Variants in ARK2C observed in about 807,000 individuals in gnomAD.
The protein encoded by ARK2C is arkadia (RNF111) C-terminal like ring finger ubiquitin ligase 2C, also known as E3 ubiquitin-protein ligase ARK2C.
the ARK2C span, among the ~76,000 whole-genome samples, chr18:46,415,720 G>A: frequency 3.3e-5 from 5 of 152,176 alleles, no homozygotes; most frequent in African/African-American, 9.6e-5. Flanking sequence ...TAACCCTTGA[G>A]CCTCAGTTTC....
the ARK2C span, among the ~76,000 whole-genome samples, chr18:46,416,207 A>G: frequency 6.6e-6 from 1 of 152,218 alleles, no homozygotes; most frequent in Non-Finnish European, 1.5e-5. Flanking sequence ...GATCTGCAGG[A>G]AAGCTCTAGG....
chr18:46,379,465 G>T, the ARK2C span, among the ~76,000 whole-genome samples: 1 of 152,296 alleles, frequency 6.6e-6, no homozygotes, highest in South Asian at 2.1e-4. Context: ...CCATTTTACA[G>T]ATGAGGGAAT....
chr18:46,422,239 G>T, the ARK2C span, among the ~76,000 whole-genome samples: 1 of 152,184 alleles, frequency 6.6e-6, no homozygotes, highest in South Asian at 2.1e-4. Flanking sequence ...CAGTTCTGCC[G>T]TTCAAGGTTC....
chr18:46,371,655 T>C, the ARK2C span, among the ~76,000 whole-genome samples: 1 of 152,232 alleles, frequency 6.6e-6, no homozygotes, highest in Admixed American at 6.5e-5. Context: ...TAAGCCTCTC[T>C]GGGAAATGAG....
At chr18:46,406,274 C>T in the ARK2C span, among the ~76,000 whole-genome samples, 3 of 152,226 alleles carry the variant, frequency 2.0e-5, no homozygotes, top group Admixed American at 6.5e-5. Flanking sequence ...GCCACTGTCA[C>T]GGGACTGGAT....
the ARK2C span, among the ~76,000 whole-genome samples, chr18:46,357,945 C>G: frequency 1.3e-5 from 2 of 152,200 alleles, no homozygotes; most frequent in African/African-American, 4.8e-5. Context: ...GGCTCCCTGG[C>G]TTGTAGCCGC....
chr18:46,397,406 T>G, the ARK2C span, among the ~76,000 whole-genome samples: 17 of 142,312 alleles, frequency 1.2e-4, no homozygotes, highest in East Asian at 4.1e-4. Context: ...GGTGTGAGGG[T>G]GTGTGTGCAT....
the ARK2C span, chr18:46,458,140 T>A: frequency 2.0e-5 from 3 of 152,540 alleles, no homozygotes; most frequent in Admixed American, 1.3e-4. Context: ...GCGTGTTCTA[T>A]GCTCTCTTCT....
the ARK2C span, among the ~76,000 whole-genome samples, chr18:46,432,335 A>C: frequency 6.6e-6 from 1 of 152,346 alleles, no homozygotes; most frequent in African/African-American, 2.4e-5. Flanking sequence ...TAATGTTATA[A>C]CACATTATTT....
chr18:46,420,314 G>T, the ARK2C span, among the ~76,000 whole-genome samples: 1 of 152,178 alleles, frequency 6.6e-6, no homozygotes, highest in Non-Finnish European at 1.5e-5. Flanking sequence ...GGGCACAGGA[G>T]AAAGGGGCAT....
chr18:46,334,458 T>A, the ARK2C span: 3 of 809,166 alleles, frequency 3.7e-6, no homozygotes, highest in Non-Finnish European at 3.5e-6. This position sits in a 1 kb window ranked among gnomAD's most constrained non-coding sequence, Gnocchi z 4.4. Flanking sequence ...GGGCGAGCGG[T>A]GGCTTCCCCC....
the ARK2C span, among the ~76,000 whole-genome samples, chr18:46,357,318 G>C: frequency 6.6e-6 from 1 of 152,214 alleles, no homozygotes; most frequent in African/African-American, 2.4e-5. Flanking sequence ...CTAGACTGTA[G>C]TGAACAGAGC....
the ARK2C span, chr18:46,456,961 G>T: frequency 2.8e-6 from 1 of 359,828 alleles, no homozygotes. Flanking sequence ...CTGACAGACG[G>T]GCCCCTCAAT....
chr18:46,426,750 C>T, the ARK2C span, among the ~76,000 whole-genome samples: 7 of 152,228 alleles, frequency 4.6e-5, no homozygotes, highest in African/African-American at 1.7e-4. Context: ...TCTCCCTACT[C>T]CCTAAAAATA....
chr18:46,459,510 C>T, the ARK2C span: 1 of 152,284 alleles, frequency 6.6e-6, no homozygotes, highest in Admixed American at 6.5e-5. Context: ...CCTCCCCCCT[C>T]CCAATTCTCT....
chr18:46,364,693 G>C, the ARK2C span, among the ~76,000 whole-genome samples: 2 of 152,296 alleles, frequency 1.3e-5, no homozygotes, highest in Admixed American at 1.3e-4. Context: ...ATGGCTTCTT[G>C]GGACATTCCT....
chr18:46,436,235 A>G, the ARK2C span, among the ~76,000 whole-genome samples: 1 of 152,084 alleles, frequency 6.6e-6, no homozygotes, highest in Non-Finnish European at 1.5e-5. Flanking sequence ...TATCTAATCT[A>G]TCATCTATCT....
At chr18:46,432,684 G>A in the ARK2C span, among the ~76,000 whole-genome samples, 1 of 152,220 alleles carries the variant, frequency 6.6e-6, no homozygotes, top group Non-Finnish European at 1.5e-5. Context: ...CCGGCCAGGC[G>A]CGGTGGCTCA....
chr18:46,442,301 G>A, the ARK2C span, among the ~76,000 whole-genome samples: 620 of 152,144 alleles, frequency 4.1e-3, 5 homozygotes, highest in African/African-American at 0.013. Context: ...TTCTTAAGGC[G>A]GAAATTTAGA....
Sources: gnomAD v4.1 joint callset for allele counts (sites outside exome capture counted in the v4.1 genomes callset) on GRCh38, gnomAD v4.1.1 for gene constraint, Gnocchi (gnomAD v3.1) non-coding constraint, MANE v1.5 for transcripts, NCBI Gene and HGNC (gene_info 2026-07-23, HGNC 2026-07-21) for gene names.